Variants in HAO2 observed in about 807,000 individuals in gnomAD.
HAO2 encodes 2-Hydroxyacid oxidase 2.
HAO2 carries 42 observed loss-of-function variants against 37.4 expected under a neutral mutation model. The observed-to-expected ratio is 1.12, with a 90% CI of 0.88 to 1.45. HAO2 has a LOEUF of 1.45. Among genes scored for constraint, HAO2 ranks in the 40% most tolerant of loss-of-function variants. HAO2 has a pLI of 0.00. For synonymous variants in HAO2, 180 were observed against 162.8 expected (o/e 1.11, Z -0.81); for missense variants, 476 against 430.2 (o/e 1.11, Z -0.94).
At chr1:119,388,971 T>C (rs1650604221) in intron 5 of HAO2, among the ~76,000 whole-genome samples, 1 of 149,980 alleles carries the variant, frequency 6.7e-6, no homozygotes, top group African/African-American at 2.5e-5. Context: ...GTGTCACTCT[T>C]ATGCCTTTGC....
At chr1:119,373,164 A>T (rs587722747) in intron 1 of HAO2, among the ~76,000 whole-genome samples, 14 of 152,274 alleles carry the variant, frequency 9.2e-5, no homozygotes, top group Admixed American at 8.5e-4. Flanking sequence ...ATGAAGCAAA[A>T]GTTTATTCCG....
At chr1:119,380,112 G>T (rs1245321171) in intron 1 of HAO2, among the ~76,000 whole-genome samples, 1 of 152,096 alleles carries the variant, frequency 6.6e-6, no homozygotes, top group African/African-American at 2.4e-5. Flanking sequence ...GAAACTTCAG[G>T]TTTCTCTGTT....
chr1:119,384,877 C>T lies in HAO2; in HGVS notation c.385C>T (p.Leu129Phe), dbSNP rs757020362. The T allele has an allele frequency of 6.2e-7, 1 of 1,613,870 alleles. No individual in the cohort carries two copies. The highest frequency in any genetic ancestry group is 2.2e-5 in the East Asian group (1 of 44,866). ...AAPEGLRWFQ[L>F]YVHPDLQLNK... Reference sequence around the variant, plus strand: ...TCCCGAAGGCCTCCGATGGTTCCAACTCTATGTGCATCCAGACCTGCAGCT... The same window carrying T: ...TCCCGAAGGCCTCCGATGGTTCCAATTCTATGTGCATCCAGACCTGCAGCT... The change falls in exon 4 of 8, where the codon CTC becomes TTC. Residue 129 changes from leucine to phenylalanine, a missense_variant. By Grantham distance (22) the Leu-to-Phe change is conservative. Transcript: ENST00000325945.
At chr1:119,385,539 G>A (rs1650310334) in intron 4 of HAO2, 1 of 918,606 alleles carries the variant, frequency 1.1e-6, no homozygotes, top group Non-Finnish European at 1.3e-6. Context: ...TGAAACTGAG[G>A]AATCAATATC....
In HAO2 at chr1:119,393,995, C is replaced by T; in HGVS notation, c.*155C>T. 1.4e-6 allele frequency: 2 copies of T among 1,473,616 alleles called. No homozygotes were observed. Among genetic ancestry groups the T allele is most frequent in the Non-Finnish European group, 1.8e-6 (2 of 1,104,032 alleles). The allele number at this position is 1,473,616 out of a possible 1,614,324, so 91.3% of individuals were successfully genotyped here. A position where few individuals can be genotyped will look rare whatever the true frequency, so the allele number is the denominator to read the frequency against. On this transcript the variant is annotated 3_prime_UTR_variant, in exon 8 of 8. Coordinates refer to ENST00000325945, the MANE Select transcript of HAO2 (RefSeq NM_016527.4). ...TTCTAATACCACCACCCCTGTGCTT[C>T]AGGCCCTCCAAACCCCTGTGTTCCC...
chr1:119,384,819 C>A lies in HAO2; in HGVS notation c.327C>A (p.Ala109=). The part of the protein sequence containing the change: ...AGICYITSTF[A]SCSLEDIVIA... ...TCTGCTACATCACCAGCACATTTGCCAGCTGTAGCCTTGAAGACATTGTCA... is the reference window on the plus strand; with the variant it reads ...TCTGCTACATCACCAGCACATTTGCAAGCTGTAGCCTTGAAGACATTGTCA... The change falls in exon 4 of 8, where the codon GCC becomes GCA. Residue 109 remains alanine, a synonymous_variant. Coordinates refer to ENST00000325945, the MANE Select transcript of HAO2 (RefSeq NM_016527.4). The A allele has an allele frequency of 6.2e-7, 1 of 1,613,884 alleles. No individual in the cohort carries two copies. Among genetic ancestry groups the A allele is most frequent in the African/African-American group, 1.3e-5 (1 of 75,052 alleles).
At chr1:119,391,963 T>C in intron 5 of HAO2, 147 bp from the exon 6 acceptor site, 1 of 562,048 alleles carries the variant, frequency 1.8e-6, no homozygotes, top group Non-Finnish European at 3.0e-6. Flanking sequence ...CCGCTGCAGT[T>C]GATCAGCGCT....
chr1:119,379,014 G>T (rs1455664342), intron 1 of HAO2, among the ~76,000 whole-genome samples: 1 of 152,154 alleles, frequency 6.6e-6, no homozygotes, highest in Non-Finnish European at 1.5e-5. Flanking sequence ...CTTTATTACT[G>T]AAAGGATGCA....
chr1:119,385,657 C>G, intron 4 of HAO2: 2 of 985,182 alleles, frequency 2.0e-6, no homozygotes, highest in Non-Finnish European at 2.4e-6. Flanking sequence ...TAAAATCCTA[C>G]AATTAAATGG....
chr1:119,373,319 T>C (rs1158205536), intron 1 of HAO2, among the ~76,000 whole-genome samples: 1 of 152,168 alleles, frequency 6.6e-6, no homozygotes, highest in Non-Finnish European at 1.5e-5. Flanking sequence ...CTAATTCTCA[T>C]GTAAGGAGAA....
rs146770682 is a variant in HAO2, at chr1:119,380,625, G to T, written c.-8-453G>T. The T allele has an allele frequency of 7.2e-6, 8 of 1,115,994 alleles. No homozygotes were observed. In the Admixed American group the frequency reaches 8.8e-5, roughly 12 times the overall value. 69.1% of individuals were successfully genotyped at this position (1,115,994 alleles called of 1,614,324 possible). A position where few individuals can be genotyped will look rare whatever the true frequency, so the allele number is the denominator to read the frequency against. ...CCTAGAAAGCTGGGAATGCCATGAC[G>T]TGGGCACATTGAAAGACAAGAGGCA... On this transcript the variant is annotated intron_variant, in intron 1 of 7. Transcript: ENST00000325945.
chr1:119,383,076 A>G lies in HAO2; in HGVS notation c.283+10A>G. The G allele has an allele frequency of 6.2e-7, 1 of 1,605,238 alleles. No individual in the cohort carries two copies. On this transcript the variant is annotated intron_variant, in intron 3 of 7. Transcript: ENST00000325945. ...ATGAGCACAGCAAGAGGTATGAACC[A>G]TCCCCACCTCGAGGCTCCTTTCCGG...
intron 3 of HAO2, 62 bp from the exon 4 acceptor site, chr1:119,384,714 G>T: frequency 7.0e-7 from 1 of 1,425,294 alleles, no homozygotes; most frequent in Non-Finnish European, 9.7e-7. Context: ...AGACTCCCAA[G>T]GTTTTCAGCC....
Position 119,386,715 on chromosome 1 carries a change from AT to A in HAO2, c.656del (p.Ile219ThrfsTer3). The A allele has an allele frequency of 6.2e-7, 1 of 1,613,158 alleles. No individual in the cohort carries two copies. The highest frequency in any genetic ancestry group is 8.5e-7 in the Non-Finnish European group (1 of 1,179,110). Reference protein sequence around the residue: ...SWFQSITRLPIILKGILTKED... With the variant: ...SWFQSITRLPXILKGILTKED... ...GTTTCAGAGCATAACTCGATTGCCC[AT>A]CATCCTGAAAGGGATTTTGACAAAA... On this transcript the variant is annotated frameshift_variant, in exon 5 of 8. Coordinates refer to ENST00000325945, the MANE Select transcript of HAO2 (RefSeq NM_016527.4). LOFTEE classifies it high-confidence loss of function.
In HAO2 at chr1:119,386,819, G is replaced by T. The variant is rs587602254; in HGVS notation, c.759G>T (p.Glu253Asp). ...VSNHGGRQLD[E>D]VLASIDALTE... ...ACCATGGTGGGAGGCAGCTTGATGA[G>T]GTTCTTGCTTCAGTAAGTAGGATTA... The change falls in exon 5 of 8, where the codon GAG becomes GAT. Residue 253 changes from glutamate to aspartate, a missense_variant. Glu to Asp is a conservative substitution (Grantham distance 45, BLOSUM62 2). Transcript: ENST00000325945. 6.8e-6 allele frequency: 11 copies of T among 1,608,434 alleles called. No individual in the cohort carries two copies. The South Asian group carries it at 1.2e-4, about 18-fold the overall frequency.
chr1:119,373,635 G>C (rs925341070), intron 1 of HAO2, among the ~76,000 whole-genome samples: 1 of 152,178 alleles, frequency 6.6e-6, no homozygotes. Context: ...GCCCCACCAC[G>C]GCAAATCTCA....
chr1:119,387,559 T>C (rs181667941), intron 5 of HAO2, among the ~76,000 whole-genome samples: 2 of 152,332 alleles, frequency 1.3e-5, no homozygotes, highest in East Asian at 1.9e-4. Context: ...ACTAATTTTA[T>C]CACTATCACT....
At chr1:119,390,402 C>T (rs1029966891) in intron 5 of HAO2, among the ~76,000 whole-genome samples, 9 of 152,170 alleles carry the variant, frequency 5.9e-5, no homozygotes, top group African/African-American at 2.2e-4. Flanking sequence ...CAGGCACTGG[C>T]CACCACGCCT....
chr1:119,371,129 G>T (rs1648965143), intron 1 of HAO2, among the ~76,000 whole-genome samples: 1 of 152,176 alleles, frequency 6.6e-6, no homozygotes, highest in Admixed American at 6.5e-5. Context: ...TGACCATTCA[G>T]AACAGAGACT....
Sources: allele counts gnomAD v4.1 joint callset (sites outside exome capture counted in the v4.1 genomes callset), GRCh38; gene constraint gnomAD v4.1.1; transcripts MANE v1.5; gene names NCBI Gene and HGNC (gene_info 2026-07-23, HGNC 2026-07-21).